UNC13C: variants seen among roughly 807,000 people sequenced by gnomAD.
UNC13C encodes protein unc-13 homolog C.
In UNC13C, 174 loss-of-function variants were observed where a neutral mutation model predicts 245.4. That is an observed-to-expected ratio of 0.71 (90% CI 0.63 to 0.80). The LOEUF (loss-of-function observed/expected upper bound fraction) is 0.80. Ranked by LOEUF, UNC13C falls within the 30% of genes least tolerant of loss-of-function variation. The pLI is 0.00. For synonymous variants in UNC13C, 992 were observed against 895.1 expected (o/e 1.11, Z -1.93); for missense variants, 2,829 against 2,602.9 (o/e 1.09, Z -1.89).
At chr15:54,055,347 T>A (rs1470310719) in intron 2 of UNC13C, among the ~76,000 whole-genome samples, 9 of 152,326 alleles carry the variant, frequency 5.9e-5, no homozygotes, top group Non-Finnish European at 1.0e-4. Context: ...CTGTCATTTC[T>A]CTAGTAAAGT....
At chr15:54,263,032 GCCTATAAATTATC>G (rs1380477316) in intron 8 of UNC13C, among the ~76,000 whole-genome samples, 2 of 152,150 alleles carry the variant, frequency 1.3e-5, no homozygotes, top group East Asian at 1.9e-4. Context: ...AATTGTGCTT[GCCTATAAATTATC>G]CCATTTAATC....
chr15:54,332,000 G>C, intron 14 of UNC13C, 43 bp from the exon 15 acceptor site: 4 of 1,342,186 alleles, frequency 3.0e-6, no homozygotes, highest in Non-Finnish European at 4.1e-6. Context: ...CTTTAGAGTG[G>C]TCATTTATTT....
intron 15 of UNC13C, among the ~76,000 whole-genome samples, chr15:54,332,914 A>T (rs1487115697): frequency 6.6e-6 from 1 of 151,886 alleles, no homozygotes; most frequent in African/African-American, 2.4e-5. Context: ...ACCAAATTTA[A>T]TTTGGTATTA....
chr15:54,480,222 T>C (rs1244158160), intron 19 of UNC13C, among the ~76,000 whole-genome samples: 1 of 151,948 alleles, frequency 6.6e-6, no homozygotes, highest in African/African-American at 2.4e-5. Flanking sequence ...ATTGTAAGAC[T>C]TAAGAAGCCT....
intron 22 of UNC13C, among the ~76,000 whole-genome samples, chr15:54,506,511 G>A (rs771266604): frequency 5.3e-5 from 8 of 151,984 alleles, no homozygotes; most frequent in East Asian, 1.9e-4. Context: ...ATATTATCAC[G>A]TTACTGTGTA....
At chr15:54,136,035 T>C (rs2031711744) in intron 2 of UNC13C, among the ~76,000 whole-genome samples, 2 of 152,212 alleles carry the variant, frequency 1.3e-5, no homozygotes, top group Admixed American at 6.5e-5. Flanking sequence ...CGATGTCTTA[T>C]AGTTTTCAGT....
chr15:54,252,971 A>C (rs2140871081), intron 8 of UNC13C, among the ~76,000 whole-genome samples: 1 of 152,302 alleles, frequency 6.6e-6, no homozygotes, highest in African/African-American at 2.4e-5. Flanking sequence ...TTCTGGTGAA[A>C]ATATTTAATG....
chr15:54,498,210 T>G (rs1894041261), intron 20 of UNC13C, among the ~76,000 whole-genome samples: 1 of 152,002 alleles, frequency 6.6e-6, no homozygotes, highest in Non-Finnish European at 1.5e-5. Context: ...CCATATAAAA[T>G]TTATAAACAA....
At chr15:54,458,038 C>T (rs1891632163) in intron 19 of UNC13C, among the ~76,000 whole-genome samples, 1 of 151,694 alleles carries the variant, frequency 6.6e-6, no homozygotes, top group South Asian at 2.1e-4. Context: ...ATTAACGTTC[C>T]TTTAAGCACC....
At chr15:54,335,746 G>A (rs547336819) in intron 16 of UNC13C, among the ~76,000 whole-genome samples, 73 of 152,198 alleles carry the variant, frequency 4.8e-4, no homozygotes, top group African/African-American at 1.7e-3. Context: ...ATGTGCTATC[G>A]ATTTATCCAT....
intron 4 of UNC13C, among the ~76,000 whole-genome samples, chr15:54,176,133 G>A (rs1354281399): frequency 6.6e-6 from 1 of 152,028 alleles, no homozygotes; most frequent in Non-Finnish European, 1.5e-5. Context: ...ATCCTGAAAA[G>A]AATCTGGAAG....
chr15:54,623,698 A>G (rs1402622231), intron 31 of UNC13C, 97 bp from the exon 32 acceptor site: 1 of 1,067,888 alleles, frequency 9.4e-7, no homozygotes, highest in Non-Finnish European at 1.4e-6. Context: ...GAGTTAGGGC[A>G]CTATTATTAA....
intron 10 of UNC13C, among the ~76,000 whole-genome samples, chr15:54,273,403 A>T (rs1264391743): frequency 6.6e-6 from 1 of 151,656 alleles, no homozygotes; most frequent in Non-Finnish European, 1.5e-5. Flanking sequence ...CACTGATCTG[A>T]TTCTTGATCA....
intron 2 of UNC13C, among the ~76,000 whole-genome samples, chr15:54,093,279 A>G (rs1219358871): frequency 2.0e-5 from 3 of 151,960 alleles, no homozygotes; most frequent in Admixed American, 6.6e-5. Context: ...GGCTTAATCA[A>G]TATTGCATAG....
chr15:53,885,791 T>TG, the UNC13C span, among the ~76,000 whole-genome samples: 1 of 151,000 alleles, frequency 6.6e-6, no homozygotes, highest in Non-Finnish European at 1.5e-5. Flanking sequence ...CTGAAGGGAG[T>TG]GGGGGAAAAA....
At chr15:54,072,206 T>C (rs917705781) in intron 2 of UNC13C, among the ~76,000 whole-genome samples, 2 of 152,194 alleles carry the variant, frequency 1.3e-5, no homozygotes, top group Non-Finnish European at 2.9e-5. Context: ...CAGGGGTGCA[T>C]TTCCTCTGGG....
At chr15:54,607,949 T>G (rs2141283583) in intron 30 of UNC13C, among the ~76,000 whole-genome samples, 1 of 152,324 alleles carries the variant, frequency 6.6e-6, no homozygotes, top group East Asian at 1.9e-4. Context: ...ACAGTAGTTT[T>G]TATTTTTGTG....
At chr15:53,953,085 A>C in the UNC13C span, among the ~76,000 whole-genome samples, 3 of 152,224 alleles carry the variant, frequency 2.0e-5, no homozygotes, top group Non-Finnish European at 2.9e-5. Flanking sequence ...AGCTGCTTTC[A>C]GGGGGTAATT....
At chr15:54,438,166 T>A (rs1235189678) in intron 19 of UNC13C, among the ~76,000 whole-genome samples, 1 of 151,932 alleles carries the variant, frequency 6.6e-6, no homozygotes. Flanking sequence ...CATTAACTTT[T>A]CAATGTAAAA....
Sources: gnomAD v4.1 joint callset for allele counts (sites outside exome capture counted in the v4.1 genomes callset) on GRCh38, gnomAD v4.1.1 for gene constraint, MANE v1.5 for transcripts, NCBI Gene and HGNC (gene_info 2026-07-23, HGNC 2026-07-21) for gene names.